JAKMIP1: variants seen among roughly 807,000 people sequenced by gnomAD.
JAKMIP1 encodes the protein janus kinase and microtubule-interacting protein 1.
JAKMIP1 carries 33 observed loss-of-function variants against 113.0 expected under a neutral mutation model. That is an observed-to-expected ratio of 0.29 (90% CI 0.22 to 0.39). The LOEUF (loss-of-function observed/expected upper bound fraction) is 0.39, where lower values mean the gene tolerates loss of function less well. Ranked by LOEUF, JAKMIP1 falls within the 10% of genes least tolerant of loss-of-function variation. The pLI, the probability that JAKMIP1 is intolerant of heterozygous loss-of-function variation, is 1.00. For missense variants in JAKMIP1, 813 were observed against 1,080.5 expected (o/e 0.75, Z 3.47); for synonymous variants, 480 against 459.9 (o/e 1.04, Z -0.56).
At position 6,179,450 on chromosome 4, in the gene JAKMIP1, C is replaced by T. The variant is rs1725768471; in HGVS notation, c.-148+20803G>A. Among the ~76,000 whole-genome samples, 1 of 152,184 alleles carries T rather than the reference C, an allele frequency of 6.6e-6. No homozygotes were observed. The highest frequency in any genetic ancestry group is 1.5e-5 in the Non-Finnish European group (1 of 68,038). On this transcript the variant is annotated intron_variant, in intron 1 of 20. Coordinates refer to ENST00000409021, the MANE Select transcript of JAKMIP1 (RefSeq NM_001099433.2). The surrounding 1 kb of genome is among the most constrained non-coding windows in gnomAD (Gnocchi z 4.5). ...CCACACAGGGAGACCCTGCCCCATC[C>T]ACCACCACCTCCTTCCTCTACCTTC...
chr4:6,127,951 G>A (rs951695223), intron 1 of JAKMIP1, among the ~76,000 whole-genome samples: 6 of 152,190 alleles, frequency 3.9e-5, no homozygotes, highest in Admixed American at 2.0e-4. Context: ...TTTAGAGATC[G>A]GGAAGTTCCC....
At chr4:6,160,339 T>C (rs1215736579) in intron 1 of JAKMIP1, among the ~76,000 whole-genome samples, 6 of 152,118 alleles carry the variant, frequency 3.9e-5, no homozygotes, top group African/African-American at 1.2e-4. Context: ...CAACAACCAA[T>C]TAGTGGATAA....
At chr4:6,110,098 C>G (rs570356419) in intron 2 of JAKMIP1, among the ~76,000 whole-genome samples, 1 of 152,160 alleles carries the variant, frequency 6.6e-6, no homozygotes, top group Non-Finnish European at 1.5e-5. Context: ...GTGCTGGCCT[C>G]GTGTGTGGGG....
At chr4:6,169,988 C>CCCTTCT (rs1724177513) in intron 1 of JAKMIP1, among the ~76,000 whole-genome samples, 1 of 90,382 alleles carries the variant, frequency 1.1e-5, no homozygotes, top group African/African-American at 4.9e-5. Flanking sequence ...ACTACCACCA[C>CCCTTCT]CACCACCACC....
At chr4:6,172,559 C>T (rs73075499) in intron 1 of JAKMIP1, among the ~76,000 whole-genome samples, 7 of 152,134 alleles carry the variant, frequency 4.6e-5, no homozygotes, top group African/African-American at 1.7e-4. Flanking sequence ...TAGCTCACGG[C>T]CATCTCATCT....
intron 11 of JAKMIP1, among the ~76,000 whole-genome samples, chr4:6,057,134 C>T (rs933839863): frequency 2.6e-5 from 4 of 152,344 alleles, no homozygotes; most frequent in African/African-American, 9.6e-5. Context: ...GTTCATTCCA[C>T]TCTCTCTGCC....
At chr4:6,161,082 C>G (rs2109002432) in intron 1 of JAKMIP1, among the ~76,000 whole-genome samples, 1 of 149,824 alleles carries the variant, frequency 6.7e-6, no homozygotes, top group Admixed American at 6.6e-5. Context: ...CTCCACTCAC[C>G]TCCTCCGAGC....
At chr4:6,055,641 C>A (rs958448390) in intron 12 of JAKMIP1, among the ~76,000 whole-genome samples, 1 of 152,242 alleles carries the variant, frequency 6.6e-6, no homozygotes, top group Non-Finnish European at 1.5e-5. Context: ...GAAGATGGAC[C>A]AGCCCAACAA....
chr4:6,056,095 T>C (rs1470885831), intron 12 of JAKMIP1, among the ~76,000 whole-genome samples: 609 of 88,164 alleles, frequency 6.9e-3, no homozygotes, highest in Middle Eastern at 0.043. Flanking sequence ...AGAGTGTCCC[T>C]AGAGGTCGGG....
chr4:6,072,876 C>T (rs1381450212), intron 8 of JAKMIP1, among the ~76,000 whole-genome samples: 2 of 151,962 alleles, frequency 1.3e-5, no homozygotes. Context: ...GTCAGGAGTT[C>T]GAGACCAGCC....
intron 8 of JAKMIP1, among the ~76,000 whole-genome samples, chr4:6,073,411 G>A (rs1719259989): frequency 6.6e-6 from 1 of 152,224 alleles, no homozygotes; most frequent in South Asian, 2.1e-4. Flanking sequence ...ACTGGCCCAA[G>A]AAAGGGCCTC....
rs775782432 is a variant in JAKMIP1, at chr4:6,056,722, C to T, written c.1682G>A (p.Arg561Lys). The T allele has an allele frequency of 5.0e-6, 8 of 1,613,778 alleles. No homozygotes were observed. In the South Asian group the frequency reaches 8.8e-5, roughly 18 times the overall value. The change falls in exon 12 of 21, where the codon AGA becomes AAA. Residue 561 changes from arginine (R) to lysine (K), a missense_variant. By Grantham distance (26) the Arg-to-Lys change is conservative (BLOSUM62 2). Transcript: ENST00000409021. Reference protein sequence around the residue: ...KWVEEKQLLIRTNQDLLEKIY... With the variant: ...KWVEEKQLLIKTNQDLLEKIY... ...CTTTTCCAGCAAGTCTTGGTTTGTT[C>T]TGATGAGCAGCTGCTTCTCTTCAAC... is the stretch of plus-strand genomic sequence containing the variant.
chr4:6,150,253 T>A lies in JAKMIP1; in HGVS notation c.-147-37256A>T, dbSNP rs932496080. The A allele has an allele frequency of 2.6e-5, 4 of 152,222 alleles. No homozygotes were observed. The highest frequency in any genetic ancestry group is 9.6e-5 in the African/African-American group (4 of 41,452). The allele number at this position is 152,222 out of a possible 1,614,324, so 9.4% of individuals were successfully genotyped here. On this transcript the variant is annotated intron_variant, in intron 1 of 20. Coordinates refer to ENST00000409021, the MANE Select transcript of JAKMIP1 (RefSeq NM_001099433.2). The surrounding 1 kb of genome is among the most constrained non-coding windows in gnomAD (Gnocchi z 4.8). ...GGGCTTATGTATATTAGCTCAGTAATCTTCATAATTCTTTGAAGGAGGTGC... is the reference window on the plus strand; with the variant it reads ...GGGCTTATGTATATTAGCTCAGTAAACTTCATAATTCTTTGAAGGAGGTGC...
At chr4:6,103,728 T>C (rs942804867) in intron 3 of JAKMIP1, among the ~76,000 whole-genome samples, 2 of 152,236 alleles carry the variant, frequency 1.3e-5, no homozygotes, top group African/African-American at 4.8e-5. Flanking sequence ...TCAGTTTTGG[T>C]ACATTGTGCT....
Position 6,140,220 on chromosome 4 carries a change from T to C in JAKMIP1, c.-147-27223A>G, listed in dbSNP as rs1578360148. ...TTCACGTGGCTCTCCACCCGGACAT[T>C]TGGGCTGCTCCCTATTTTTCTTTTT... On this transcript the variant is annotated intron_variant, in intron 1 of 20. Coordinates refer to ENST00000409021, the MANE Select transcript of JAKMIP1 (RefSeq NM_001099433.2). The surrounding 1 kb of genome is among the most constrained non-coding windows in gnomAD (Gnocchi z 9.4). 1.3e-5 allele frequency among the ~76,000 whole-genome samples: 2 copies of C among 152,058 alleles called. No individual in the cohort carries two copies. Among genetic ancestry groups the C allele is most frequent in the South Asian group, 2.1e-4 (1 of 4,804 alleles).
chr4:6,133,648 A>T (rs551016372), intron 1 of JAKMIP1, among the ~76,000 whole-genome samples: 1 of 152,268 alleles, frequency 6.6e-6, no homozygotes, highest in South Asian at 2.1e-4. Context: ...TTTCTTGCAA[A>T]GCTAATTTTG....
intron 5 of JAKMIP1, among the ~76,000 whole-genome samples, chr4:6,083,259 C>T (rs189000274): frequency 6.6e-6 from 1 of 151,936 alleles, no homozygotes; most frequent in Non-Finnish European, 1.5e-5. Context: ...AAAAATTAGC[C>T]GGGTGTGTTG....
intron 16 of JAKMIP1, among the ~76,000 whole-genome samples, chr4:6,047,148 C>T (rs190009022): frequency 2.6e-5 from 4 of 152,332 alleles, no homozygotes; most frequent in African/African-American, 4.8e-5. Flanking sequence ...GGTGAGAAAC[C>T]GGCTGAAACC....
At chr4:6,115,858 C>G (rs1010588471) in intron 1 of JAKMIP1, among the ~76,000 whole-genome samples, 1 of 152,198 alleles carries the variant, frequency 6.6e-6, no homozygotes, top group African/African-American at 2.4e-5. Flanking sequence ...GCAGGTCTGC[C>G]AACTCTTTGG....
Sources: allele counts gnomAD v4.1 joint callset (sites outside exome capture counted in the v4.1 genomes callset), GRCh38; gene constraint gnomAD v4.1.1; non-coding constraint Gnocchi (gnomAD v3.1); transcripts MANE v1.5; gene names NCBI Gene and HGNC (gene_info 2026-07-23, HGNC 2026-07-21).